Variants in ARID1B observed in about 807,000 individuals in gnomAD.
ARID1B encodes AT-rich interactive domain-containing protein 1B.
In ARID1B, 30 loss-of-function variants were observed where a neutral mutation model predicts 212.3. The ratio of observed to expected loss-of-function variants is 0.14; its 90% CI spans 0.11 to 0.19. The LOEUF is 0.19. ARID1B is among the 10% of genes least tolerant of loss of function. The pLI, the probability that ARID1B is intolerant of heterozygous loss-of-function variation, is 1.00. For missense variants in ARID1B, 2,891 were observed against 3,204.0 expected (o/e 0.90, Z 2.36); for synonymous variants, 1,402 against 1,301.7 (o/e 1.08, Z -1.66).
intron 4 of ARID1B, among the ~76,000 whole-genome samples, chr6:156,980,576 C>T (rs965052066): frequency 6.6e-6 from 1 of 152,186 alleles, no homozygotes; most frequent in Non-Finnish European, 1.5e-5. Context: ...AGAGATGAAA[C>T]CACGCAGTGC....
At chr6:157,117,246 A>G (rs951083390) in intron 6 of ARID1B, among the ~76,000 whole-genome samples, 1 of 152,238 alleles carries the variant, frequency 6.6e-6, no homozygotes, top group Non-Finnish European at 1.5e-5. Context: ...TTTCAAAATT[A>G]CATATTTTGT....
At chr6:157,041,533 G>T (rs920521334) in intron 4 of ARID1B, among the ~76,000 whole-genome samples, 4 of 152,146 alleles carry the variant, frequency 2.6e-5, no homozygotes, top group African/African-American at 9.7e-5. Flanking sequence ...TTTCATGACT[G>T]TGAATGTTCT....
intron 1 of ARID1B, among the ~76,000 whole-genome samples, chr6:156,794,753 A>AT (rs149408420): frequency 0.07 from 10,591 of 150,362 alleles, 414 homozygotes; most frequent in South Asian, 0.087. Flanking sequence ...AATTTTTGTT[A>AT]TTTTTTTGTA....
At chr6:156,863,665 TAA>T (rs983566898) in intron 2 of ARID1B, among the ~76,000 whole-genome samples, 4 of 152,266 alleles carry the variant, frequency 2.6e-5, no homozygotes, top group African/African-American at 9.6e-5. Flanking sequence ...CTGAAGAAAT[TAA>T]AATGCTGACT....
At chr6:156,879,118 A>G (rs1324154034) in intron 2 of ARID1B, among the ~76,000 whole-genome samples, 1 of 152,224 alleles carries the variant, frequency 6.6e-6, no homozygotes, top group Non-Finnish European at 1.5e-5. Flanking sequence ...CATTGCTGCA[A>G]GGGGCCAGGG....
chr6:156,957,655 AAT>A (rs1232254791), intron 4 of ARID1B, among the ~76,000 whole-genome samples: 5 of 152,196 alleles, frequency 3.3e-5, no homozygotes, highest in Admixed American at 1.3e-4. Context: ...TGATATTTAA[AAT>A]ATGTTTCTTT....
intron 2 of ARID1B, among the ~76,000 whole-genome samples, chr6:156,830,924 C>G (rs932520200): frequency 1.3e-5 from 2 of 152,122 alleles, no homozygotes; most frequent in African/African-American, 4.8e-5. Flanking sequence ...ATTGAACACC[C>G]TTTGCTGTTG....
intron 12 of ARID1B, 35 bp downstream of exon 12, chr6:157,181,213 G>A (rs2128318119): frequency 6.2e-7 from 1 of 1,606,844 alleles, no homozygotes; most frequent in South Asian, 1.1e-5. Context: ...GAAAAAGGAA[G>A]CATTGTGGAT....
At chr6:157,165,628 G>T (rs1791274942) in intron 8 of ARID1B, among the ~76,000 whole-genome samples, 1 of 152,068 alleles carries the variant, frequency 6.6e-6, no homozygotes, top group African/African-American at 2.4e-5. Context: ...TGGGCATATC[G>T]CTTTGAGCTT....
At chr6:157,030,321 C>T (rs1044919639) in intron 4 of ARID1B, 1 of 152,252 alleles carries the variant, frequency 6.6e-6, no homozygotes, top group Non-Finnish European at 1.5e-5. Context: ...CTCTTGAGTC[C>T]TAGACTTGGA....
At chr6:156,926,485 C>T (rs1015874737) in intron 3 of ARID1B, among the ~76,000 whole-genome samples, 3 of 152,106 alleles carry the variant, frequency 2.0e-5, no homozygotes, top group Admixed American at 2.0e-4. Flanking sequence ...GTCTCAGCCC[C>T]ACTCTAGGTT....
chr6:157,144,423 G>A (rs559422591), intron 7 of ARID1B, among the ~76,000 whole-genome samples: 10 of 152,234 alleles, frequency 6.6e-5, no homozygotes, highest in African/African-American at 9.6e-5. Flanking sequence ...CACTTATCCA[G>A]TGTTAGGGGA....
rs148040169 is a variant in ARID1B at position 156,832,782 on chromosome 6, G to A, written c.1986+3361G>A. Among the ~76,000 whole-genome samples the A allele has an allele frequency of 4.3e-3, 653 of 152,266 alleles. 7 individuals carry two copies. The highest frequency in any genetic ancestry group is 0.014 in the African/African-American group (597 of 41,548). On this transcript the variant is annotated intron_variant, in intron 2 of 19. Transcript: ENST00000636930. ...TGTCTCTGAGAGTCTGAAGGAACTG[G>A]CCACTGACTGTGTTTGATTTTAGTA... is the stretch of plus-strand genomic sequence containing the variant.
Position 156,778,942 on chromosome 6 carries a change from C to T in ARID1B, c.1262C>T (p.Ala421Val), listed in dbSNP as rs1778937602. The T allele has an allele frequency of 5.4e-6, 7 of 1,299,314 alleles. No individual in the cohort carries two copies. In the Admixed American group the frequency reaches 2.1e-4, roughly 39 times the overall value. 80.5% of individuals were successfully genotyped at this position (1,299,314 alleles called of 1,614,324 possible). ...GAGAGGAGAGAVAAAAAAAAA... is the reference protein window; with the variant it reads ...GAGAGGAGAGVVAAAAAAAAA... ...GGAGCAGGAGGAGCAGGAGCGGGAG[C>T]TGTGGCGGCGGCGGCCGCGGCGGCG... Residue 421 changes from alanine (A) to valine (V), a missense_variant, in exon 1 of 20, where the codon GCT becomes GTT. Physicochemically the swap from Ala to Val is moderately conservative, Grantham distance 64. Transcript: ENST00000636930.
At chr6:156,789,306 G>A (rs577524364) in intron 1 of ARID1B, among the ~76,000 whole-genome samples, 1 of 152,264 alleles carries the variant, frequency 6.6e-6, no homozygotes, top group South Asian at 2.1e-4. Context: ...GTAACATGAA[G>A]GATTTAATAC....
At chr6:156,813,383 G>C (rs1781751391) in intron 1 of ARID1B, among the ~76,000 whole-genome samples, 1 of 151,806 alleles carries the variant, frequency 6.6e-6, no homozygotes, top group Admixed American at 6.6e-5. Flanking sequence ...AAAGTGCTAG[G>C]ATTACAGGCG....
At position 157,123,608 on chromosome 6, in the gene ARID1B, A is replaced by G. The variant is rs542206481; in HGVS notation, c.2582-9420A>G. On this transcript the variant is annotated intron_variant, in intron 6 of 19. Coordinates refer to ENST00000636930, the MANE Select transcript of ARID1B (RefSeq NM_001374828.1). ...TGTGGCATTGCACCTCCAGAGATTAACCACCATCCAAGGACTTGCAGCATT... is the reference window on the plus strand; with the variant it reads ...TGTGGCATTGCACCTCCAGAGATTAGCCACCATCCAAGGACTTGCAGCATT... 3.9e-5 allele frequency among the ~76,000 whole-genome samples: 6 copies of G among 152,318 alleles called. No homozygotes were observed. The East Asian group carries it at 9.7e-4, about 25-fold the overall frequency.
At chr6:157,046,227 G>A (rs1782234742) in intron 4 of ARID1B, among the ~76,000 whole-genome samples, 1 of 152,060 alleles carries the variant, frequency 6.6e-6, no homozygotes, top group South Asian at 2.1e-4. Flanking sequence ...TGTCTTTAGA[G>A]GAATACACAA....
At chr6:157,162,628 C>T (rs1374275387) in intron 8 of ARID1B, among the ~76,000 whole-genome samples, 2 of 152,200 alleles carry the variant, frequency 1.3e-5, no homozygotes, top group Admixed American at 6.5e-5. Flanking sequence ...CCTCTGGTCC[C>T]AACCAGATTT....
Sources: allele counts gnomAD v4.1 joint callset (sites outside exome capture counted in the v4.1 genomes callset), GRCh38; gene constraint gnomAD v4.1.1; transcripts MANE v1.5; gene names NCBI Gene and HGNC (gene_info 2026-07-23, HGNC 2026-07-21).